The following KIF14 variants were observed in gnomAD, a reference collection of about 807,000 sequenced individuals.
KIF14 encodes kinesin family member 14.
A neutral mutation model predicts 176.2 loss-of-function variants in KIF14; 98 were observed. The ratio of observed to expected loss-of-function variants is 0.56; its 90% confidence interval spans 0.47 to 0.66. KIF14 has a LOEUF of 0.66. Ranked by LOEUF, KIF14 falls within the 30% of genes least tolerant of loss-of-function variation. KIF14 has a pLI of 0.00. For missense variants in KIF14, 1,751 were observed against 1,920.4 expected (o/e 0.91, Z 1.65); for synonymous variants, 566 against 632.2 (o/e 0.90, Z 1.57).
intron 19 of KIF14, among the ~76,000 whole-genome samples, chr1:200,583,026 T>C (rs1658544758): frequency 6.6e-6 from 1 of 152,110 alleles, no homozygotes; most frequent in Non-Finnish European, 1.5e-5. Context: ...GAGGAGCCTG[T>C]TAAGTAACAC....
chr1:200,612,956 C>T (rs1015297575), intron 4 of KIF14, among the ~76,000 whole-genome samples: 14 of 143,000 alleles, frequency 9.8e-5, no homozygotes, highest in Admixed American at 2.2e-4. Context: ...GGCGCGATCT[C>T]GGCTCACTGC....
chr1:200,553,366 A>G lies in KIF14; in HGVS notation c.*22T>C. The G allele has an allele frequency of 6.5e-7, 1 of 1,543,370 alleles. No homozygotes were observed. The highest frequency in any genetic ancestry group is 8.7e-7 in the Non-Finnish European group (1 of 1,147,662). Reference sequence around the variant, plus strand: ...TTCTTTTTCTTTCATGGGTGGTCATAAAAGTGCCTACACATCAGTATTCAC... The same window carrying G: ...TTCTTTTTCTTTCATGGGTGGTCATGAAAGTGCCTACACATCAGTATTCAC... On this transcript the variant is annotated 3_prime_UTR_variant, in exon 30 of 30. Coordinates refer to ENST00000367350, the MANE Select transcript of KIF14 (RefSeq NM_014875.3).
rs557033125 is a variant in KIF14, at chr1:200,583,174, A to C, written c.3242-1880T>G. ...AGAGACTTAAAAGGCACATCTACCA[A>C]ACGCAATGTGTAGATGATGTTGGTA... is the stretch of plus-strand genomic sequence containing the variant. On this transcript the variant is annotated intron_variant, in intron 19 of 29. Coordinates refer to ENST00000367350, the MANE Select transcript of KIF14 (RefSeq NM_014875.3). Among the ~76,000 whole-genome samples, 8 of 152,310 alleles carry C rather than the reference A, an allele frequency of 5.3e-5. No homozygotes were observed. The East Asian group carries it at 1.5e-3, about 29-fold the overall frequency.
rs57476742 is a variant in KIF14 at position 200,593,927 on chromosome 1, GT to G, written c.2550-159del. ...AAATTATTTTATTTTCCTCCAACTA[GT>G]TTTTTTTTTTTTTTTTTTTTGAGAC... is the stretch of plus-strand genomic sequence containing the variant. On this transcript the variant is annotated intron_variant, in intron 14 of 29. Transcript: ENST00000367350. 5.6e-4 allele frequency among the ~76,000 whole-genome samples: 56 copies of G among 100,548 alleles called. 1 individual carries two copies. In the East Asian group the frequency reaches 0.013, roughly 23 times the overall value. 66.0% of individuals were successfully genotyped at this position (100,548 alleles called of 152,430 possible). A position where few individuals can be genotyped will look rare whatever the true frequency, so the allele number is the denominator to read the frequency against.
At chr1:200,595,311 T>C (rs1659275306) in intron 14 of KIF14, among the ~76,000 whole-genome samples, 1 of 152,200 alleles carries the variant, frequency 6.6e-6, no homozygotes, top group Non-Finnish European at 1.5e-5. Flanking sequence ...CTGAAGTTCT[T>C]TTTTTCTCTT....
intron 9 of KIF14, 115 bp downstream of exon 9, chr1:200,603,724 T>C (rs965614711): frequency 1.0e-5 from 7 of 670,642 alleles, no homozygotes; most frequent in African/African-American, 1.8e-5. Context: ...ATGCAGTCTA[T>C]AAACTGCAGA....
At chr1:200,568,342 G>A (rs1036912961) in intron 23 of KIF14, among the ~76,000 whole-genome samples, 2 of 151,992 alleles carry the variant, frequency 1.3e-5, no homozygotes, top group Non-Finnish European at 1.5e-5. Flanking sequence ...TTATTTTGCT[G>A]ATAAATAAAA....
intron 29 of KIF14, 59 bp downstream of exon 29, chr1:200,554,409 T>C (rs1440984849): frequency 1.7e-6 from 2 of 1,156,040 alleles, no homozygotes; most frequent in Non-Finnish European, 1.2e-6. Flanking sequence ...AAAGGAAAGA[T>C]GTCTAAGGTT....
chr1:200,618,037 A>C lies in KIF14; in HGVS notation c.687T>G (p.Val229=). The change falls in exon 2 of 30, where the codon GTT becomes GTG. Residue 229 remains valine, a synonymous_variant. Transcript: ENST00000367350. ...TCGTTGTCAAGTGTCCTGATCTAAC[A>C]ACTTCAGTCTGACTCAGGGAAGCAA... ...PPIASLSQTE[V]VRSGHLTTKP... is the part of the protein sequence containing the mutation. 2 of 1,614,182 alleles carry C rather than the reference A, an allele frequency of 1.2e-6. No individual in the cohort carries two copies. The highest frequency in any genetic ancestry group is 1.7e-6 in the Non-Finnish European group (2 of 1,180,016).
intron 22 of KIF14, 50 bp from the exon 23 acceptor site, chr1:200,570,055 ATAT>A: frequency 2.4e-6 from 2 of 832,586 alleles, no homozygotes; most frequent in Non-Finnish European, 3.8e-6. Context: ...ACATGGAATA[ATAT>A]TATTAAGAAT....
chr1:200,565,883 T>G (rs1350427613), intron 23 of KIF14, among the ~76,000 whole-genome samples: 1 of 152,246 alleles, frequency 6.6e-6, no homozygotes, highest in South Asian at 2.1e-4. Context: ...TCTTCCATGC[T>G]ATACTTGTGT....
At position 200,552,068 on chromosome 1, in the gene KIF14, A is replaced by G. The variant is rs1045403054; in HGVS notation, c.*1320T>C. 2 of 152,232 alleles carry G rather than the reference A, an allele frequency of 1.3e-5. No homozygotes were observed. The highest frequency in any genetic ancestry group is 2.4e-5 in the African/African-American group (1 of 41,468). The allele number at this position is 152,232 out of a possible 1,614,324, so 9.4% of individuals were successfully genotyped here. A position where few individuals can be genotyped will look rare whatever the true frequency, so the allele number is the denominator to read the frequency against. On this transcript the variant is annotated 3_prime_UTR_variant, in exon 30 of 30. Coordinates refer to ENST00000367350, the MANE Select transcript of KIF14 (RefSeq NM_014875.3). ...GATTTATTCATGGTACGAATGGCCA[A>G]TTTCAACTAGTTATGCCAAATGTAC...
At chr1:200,601,641 T>C (rs1659632539) in intron 11 of KIF14, among the ~76,000 whole-genome samples, 1 of 152,232 alleles carries the variant, frequency 6.6e-6, no homozygotes, top group Non-Finnish European at 1.5e-5. Context: ...GTAAATTTAT[T>C]GTTTAATGCT....
intron 27 of KIF14, among the ~76,000 whole-genome samples, chr1:200,558,591 A>G (rs965753564): frequency 6.6e-6 from 1 of 152,184 alleles, no homozygotes; most frequent in African/African-American, 2.4e-5. Flanking sequence ...CTTACTGACA[A>G]AGTACAAACC....
chr1:200,551,941 C>G lies in KIF14; in HGVS notation c.*1447G>C, dbSNP rs900902316. 3.3e-5 allele frequency: 5 copies of G among 152,256 alleles called. No individual in the cohort carries two copies. The highest frequency in any genetic ancestry group is 3.4e-3 in the Middle Eastern group (1 of 294). 9.4% of individuals were successfully genotyped at this position (152,256 alleles called of 1,614,324 possible). A position where few individuals can be genotyped will look rare whatever the true frequency, so the allele number is the denominator to read the frequency against. On this transcript the variant is annotated 3_prime_UTR_variant, in exon 30 of 30. Coordinates refer to ENST00000367350, the MANE Select transcript of KIF14 (RefSeq NM_014875.3). Reference sequence around the variant, plus strand: ...ATGAAAGCAAATGTGCTACATTGTACCATTTTAAAGAGCTTGAAAACACCA... The same window carrying G: ...ATGAAAGCAAATGTGCTACATTGTAGCATTTTAAAGAGCTTGAAAACACCA...
rs1434769204 is a variant in KIF14 at position 200,592,296 on chromosome 1, T to G, written c.2653-56A>C. 8 of 1,431,750 alleles carry G rather than the reference T, an allele frequency of 5.6e-6. No individual in the cohort carries two copies. The East Asian group carries it at 1.8e-4, about 33-fold the overall frequency. The allele number at this position is 1,431,750 out of a possible 1,614,324, so 88.7% of individuals were successfully genotyped here. On this transcript the variant is annotated intron_variant, in intron 15 of 29. Coordinates refer to ENST00000367350, the MANE Select transcript of KIF14 (RefSeq NM_014875.3). Reference sequence around the variant, plus strand: ...GGTGAGTCTCAACCAAAAAATTAAATGAGAAAATTTATTTTGCCCAACAAT... The same window carrying G: ...GGTGAGTCTCAACCAAAAAATTAAAGGAGAAAATTTATTTTGCCCAACAAT...
At chr1:200,591,374 G>C (rs1659042539) in intron 16 of KIF14, among the ~76,000 whole-genome samples, 1 of 152,092 alleles carries the variant, frequency 6.6e-6, no homozygotes. Context: ...TTTTAAGCTT[G>C]CTCTATCTCT....
In KIF14 at chr1:200,586,398, T is replaced by TA. The variant is rs1490007175; in HGVS notation, c.3115-172dup. On this transcript the variant is annotated intron_variant, in intron 18 of 29. Transcript: ENST00000367350. ...TAAATATACACAATAAAACCTATTT[T>TA]AAAAAAACAGATTGATAATGATAAC... Among the ~76,000 whole-genome samples, 3 of 151,976 alleles carry TA rather than the reference T, an allele frequency of 2.0e-5. No individual in the cohort carries two copies. The East Asian group carries it at 5.8e-4, about 29-fold the overall frequency.
intron 22 of KIF14, 21 bp from the exon 23 acceptor site, chr1:200,570,026 A>G: frequency 7.6e-7 from 1 of 1,322,936 alleles, no homozygotes; most frequent in Non-Finnish European, 1.1e-6. Context: ...ACAAACCATA[A>G]GATTAGCAGT....
Sources: allele counts gnomAD v4.1 joint callset (sites outside exome capture counted in the v4.1 genomes callset), GRCh38; gene constraint gnomAD v4.1.1; transcripts MANE v1.5; gene names NCBI Gene and HGNC (gene_info 2026-07-23, HGNC 2026-07-21).